Variants in STRN observed in about 807,000 individuals in gnomAD.
The protein encoded by STRN is striatin, also known as protein phosphatase 2 regulatory subunit B'''alpha.
In STRN, 53 loss-of-function variants were observed where a neutral mutation model predicts 96.3. The ratio of observed to expected loss-of-function variants is 0.55; its 90% CI spans 0.44 to 0.69. The LOEUF is 0.69. STRN is among the 30% of genes least tolerant of loss of function. STRN has a pLI of 0.00. For synonymous variants in STRN, 428 were observed against 355.9 expected (o/e 1.20, Z -2.28); for missense variants, 987 against 963.9 (o/e 1.02, Z -0.32).
chr2:36,936,215 T>C (rs1670696753), intron 1 of STRN, among the ~76,000 whole-genome samples: 2 of 152,180 alleles, frequency 1.3e-5, no homozygotes, highest in South Asian at 4.1e-4. Flanking sequence ...AAGCAATCAG[T>C]TGTCTGAGAC....
chr2:36,882,221 G>T (rs1398625219), intron 9 of STRN, among the ~76,000 whole-genome samples: 2 of 151,990 alleles, frequency 1.3e-5, no homozygotes, highest in East Asian at 1.9e-4. Flanking sequence ...TGATTATGCT[G>T]TGGCTTTTTC....
chr2:36,869,093 A>T (rs1448445933), intron 11 of STRN, among the ~76,000 whole-genome samples: 2 of 152,188 alleles, frequency 1.3e-5, no homozygotes, highest in African/African-American at 2.4e-5. Context: ...TAAAGTCTCA[A>T]GGCCAAAAGA....
At chr2:36,868,164 C>T (rs900827689) in intron 11 of STRN, among the ~76,000 whole-genome samples, 9 of 152,178 alleles carry the variant, frequency 5.9e-5, no homozygotes, top group African/African-American at 2.2e-4. Context: ...AATTTCTGAA[C>T]TCAATTTCCA....
At chr2:36,903,233 G>A (rs1323354201) in intron 4 of STRN, among the ~76,000 whole-genome samples, 4 of 152,088 alleles carry the variant, frequency 2.6e-5, no homozygotes. Context: ...CCTATCCTGA[G>A]ACAACTTTAA....
At chr2:36,916,884 T>A (rs1670113258) in intron 2 of STRN, among the ~76,000 whole-genome samples, 1 of 152,054 alleles carries the variant, frequency 6.6e-6, no homozygotes. Context: ...ATAACCCAGA[T>A]AATGTAGAAA....
intron 1 of STRN, among the ~76,000 whole-genome samples, chr2:36,951,576 A>C (rs1327007742): frequency 6.6e-6 from 1 of 152,232 alleles, no homozygotes; most frequent in Admixed American, 6.5e-5. Flanking sequence ...TTAAGGACAC[A>C]ATTTAGCTGA....
intron 1 of STRN, among the ~76,000 whole-genome samples, chr2:36,964,517 T>A (rs1174188897): frequency 1.4e-4 from 21 of 152,126 alleles, no homozygotes; most frequent in Non-Finnish European, 3.1e-4. Flanking sequence ...CAAAGAAGAC[T>A]TGCAAATATC....
intron 11 of STRN, among the ~76,000 whole-genome samples, chr2:36,868,420 T>C (rs1053242124): frequency 1.3e-5 from 2 of 152,230 alleles, no homozygotes; most frequent in African/African-American, 4.8e-5. Context: ...CTGAAGAGAC[T>C]GTCCAAATTA....
intron 1 of STRN, among the ~76,000 whole-genome samples, chr2:36,951,584 T>A (rs546547437): frequency 6.6e-6 from 1 of 152,342 alleles, no homozygotes; most frequent in Admixed American, 6.5e-5. Context: ...ACAATTTAGC[T>A]GACAGACAAG....
At chr2:36,926,714 A>G (rs575893986) in intron 1 of STRN, among the ~76,000 whole-genome samples, 1 of 152,302 alleles carries the variant, frequency 6.6e-6, no homozygotes, top group South Asian at 2.1e-4. Flanking sequence ...TTTACATTAC[A>G]ATTAAAGGAA....
rs1207062298 is a variant in STRN, at chr2:36,901,566, AAAAC to A, written c.659+1014_659+1017del. Among the ~76,000 whole-genome samples, 351 of 151,452 alleles carry A rather than the reference AAAAC, an allele frequency of 2.3e-3. 4 individuals carry two copies. The highest frequency in any genetic ancestry group is 8.4e-3 in the African/African-American group (344 of 40,970). On this transcript the variant is annotated intron_variant, in intron 5 of 17. Coordinates refer to ENST00000263918, the MANE Select transcript of STRN (RefSeq NM_003162.4). ...GACTCCGCCTCAAAAAAAAAAAAAA[AAAAC>A]ATTTATACTATCTAAGTTAACTTGA... is the stretch of plus-strand genomic sequence containing the variant.
intron 1 of STRN, among the ~76,000 whole-genome samples, chr2:36,928,147 T>C (rs1029547953): frequency 6.6e-6 from 1 of 152,102 alleles, no homozygotes; most frequent in African/African-American, 2.4e-5. Flanking sequence ...AAAAAACGAA[T>C]TCCTTCTGTA....
At chr2:36,936,513 C>A (rs1237673684) in intron 1 of STRN, among the ~76,000 whole-genome samples, 1 of 152,052 alleles carries the variant, frequency 6.6e-6, no homozygotes, top group Non-Finnish European at 1.5e-5. Flanking sequence ...TAACTAACAC[C>A]ATCTTATTAA....
At chr2:36,939,281 C>T (rs1258940950) in intron 1 of STRN, among the ~76,000 whole-genome samples, 4 of 152,092 alleles carry the variant, frequency 2.6e-5, no homozygotes, top group African/African-American at 9.6e-5. Flanking sequence ...TACTGACATT[C>T]TTTTTCCGAA....
intron 2 of STRN, among the ~76,000 whole-genome samples, chr2:36,916,616 G>A (rs1363578804): frequency 6.6e-6 from 1 of 152,008 alleles, no homozygotes; most frequent in Non-Finnish European, 1.5e-5. Flanking sequence ...AGATAATCAT[G>A]ATTTGCCAAA....
chr2:36,882,535 C>T (rs371738739), intron 9 of STRN, among the ~76,000 whole-genome samples: 3 of 151,984 alleles, frequency 2.0e-5, no homozygotes, highest in African/African-American at 7.2e-5. Context: ...GGGAGGCCGA[C>T]GCAGTTGGAT....
chr2:36,870,127 T>C (rs975710427), intron 10 of STRN, among the ~76,000 whole-genome samples: 5 of 152,144 alleles, frequency 3.3e-5, no homozygotes, highest in Admixed American at 2.6e-4. Flanking sequence ...TGTCATACTT[T>C]TGAGATTTTA....
intron 10 of STRN, among the ~76,000 whole-genome samples, chr2:36,873,015 T>C (rs566038849): frequency 6.6e-6 from 1 of 152,224 alleles, no homozygotes; most frequent in South Asian, 2.1e-4. Flanking sequence ...TTCTGACAGA[T>C]TTGAAGTGTC....
chr2:36,895,117 G>A (rs1211860572), intron 6 of STRN, among the ~76,000 whole-genome samples: 1 of 152,090 alleles, frequency 6.6e-6, no homozygotes, highest in African/African-American at 2.4e-5. Flanking sequence ...CAAGAGGTCA[G>A]GAGATCGAGA....
Sources: gnomAD v4.1 joint callset for allele counts (sites outside exome capture counted in the v4.1 genomes callset) on GRCh38, gnomAD v4.1.1 for gene constraint, MANE v1.5 for transcripts, NCBI Gene and HGNC (gene_info 2026-07-23, HGNC 2026-07-21) for gene names.